Variants in ACSM1 observed in about 807,000 individuals in gnomAD.
ACSM1 encodes acyl-CoA synthetase medium chain family member 1.
In ACSM1, 79 loss-of-function variants were observed where a neutral mutation model predicts 75.8. The observed-to-expected ratio is 1.04, with a 90% confidence interval of 0.87 to 1.26. The LOEUF (loss-of-function observed/expected upper bound fraction) is 1.26. ACSM1 is among the 50% of genes most tolerant of loss of function. ACSM1 has a pLI of 0.00. For missense variants in ACSM1, 676 were observed against 720.1 expected, an observed-to-expected ratio of 0.94 and a Z score of 0.70; for synonymous variants, 279 against 265.8, an observed-to-expected ratio of 1.05 and a Z score of -0.48.
chr16:20,681,772 TG>T (rs1320594347), intron 4 of ACSM1: 1 of 153,578 alleles, frequency 6.5e-6, no homozygotes, highest in Non-Finnish European at 1.4e-5. Flanking sequence ...AAAACTCAAT[TG>T]TATGTAGGGA....
In ACSM1 at chr16:20,623,323, C is replaced by T. The variant is rs528288871; in HGVS notation, c.*163G>A. On this transcript the variant is annotated 3_prime_UTR_variant, in exon 14 of 14. Transcript: ENST00000520010. ...AGAGGACTTGGAGGAAGCAGAGCAACTGAATTTAATTTAAAAGAAGGAAAA... is the reference window on the plus strand; with the variant it reads ...AGAGGACTTGGAGGAAGCAGAGCAATTGAATTTAATTTAAAAGAAGGAAAA... 1 of 625,160 alleles carries T rather than the reference C, an allele frequency of 1.6e-6. No homozygotes were observed. Among genetic ancestry groups the T allele is most frequent in the East Asian group, 2.9e-5 (1 of 34,862 alleles). The allele number at this position is 625,160 out of a possible 1,614,324, so 38.7% of individuals were successfully genotyped here.
At chr16:20,694,198 G>A (rs930141992) in intron 1 of ACSM1, among the ~76,000 whole-genome samples, 10 of 152,124 alleles carry the variant, frequency 6.6e-5, no homozygotes, top group African/African-American at 1.7e-4. Flanking sequence ...CTAGCCAATC[G>A]GGACAAATAC....
intron 6 of ACSM1, among the ~76,000 whole-genome samples, chr16:20,665,264 GAA>G (rs1010962432): frequency 1.7e-4 from 26 of 151,802 alleles, no homozygotes; most frequent in Non-Finnish European, 3.1e-4. Flanking sequence ...GATTAACAAA[GAA>G]AAAAATGAGA....
intron 1 of ACSM1, among the ~76,000 whole-genome samples, 166 bp downstream of exon 1, chr16:20,697,470 C>T (rs1458425984): frequency 6.6e-6 from 1 of 151,228 alleles, no homozygotes; most frequent in Non-Finnish European, 1.5e-5. Context: ...TGTCATTTTG[C>T]CTCTAAAATG....
In ACSM1 at chr16:20,662,005, ACATACTGAGCATGGATTT is replaced by A. The variant is rs541839746; in HGVS notation, c.913-150_913-133del. On this transcript the variant is annotated intron_variant, in intron 6 of 13. Coordinates refer to ENST00000520010, the MANE Select transcript of ACSM1 (RefSeq NM_001318890.3). ...TAATTTCTTAATCCTTTAAATACAC[ACATACTGAGCATGGATTT>A]CATACATGGTATGCATCAGGTACTG... is the stretch of plus-strand genomic sequence containing the variant. 331 of 521,772 alleles carry A rather than the reference ACATACTGAGCATGGATTT, an allele frequency of 6.3e-4. 2 individuals are homozygous for A. Among genetic ancestry groups the A allele is most frequent in the African/African-American group, 5.7e-3 (298 of 52,668 alleles). The allele number at this position is 521,772 out of a possible 1,614,324, so 32.3% of individuals were successfully genotyped here.
chr16:20,648,339 C>T lies in ACSM1; in HGVS notation c.993-7755G>A, dbSNP rs896580864. ...CTTGCCACTCAACCTGATTTACCAA[C>T]ATAACCTGTTTCTGGCCATGCTCTC... On this transcript the variant is annotated intron_variant, in intron 7 of 13. Transcript: ENST00000520010. The surrounding 1 kb of genome is among the most constrained non-coding windows in gnomAD (Gnocchi z 4.2). Among the ~76,000 whole-genome samples the T allele has an allele frequency of 6.6e-6, 1 of 152,194 alleles. No homozygotes were observed. Among genetic ancestry groups the T allele is most frequent in the Non-Finnish European group, 1.5e-5 (1 of 68,038 alleles).
intron 7 of ACSM1, among the ~76,000 whole-genome samples, chr16:20,647,049 A>G (rs182931333): frequency 1.5e-3 from 232 of 152,330 alleles, no homozygotes; most frequent in African/African-American, 5.4e-3. Flanking sequence ...AAAAGCCTCA[A>G]TTTCCTTTCC....
intron 6 of ACSM1, among the ~76,000 whole-genome samples, chr16:20,666,657 T>G (rs1011376008): frequency 6.6e-6 from 1 of 151,866 alleles, no homozygotes; most frequent in Non-Finnish European, 1.5e-5. Flanking sequence ...AAAAAGGGCT[T>G]GAATACTGAA....
In ACSM1 at chr16:20,627,213, C is replaced by T. The variant is rs185962365; in HGVS notation, c.1403G>A (p.Ser468Asn). Residue 468 changes from serine to asparagine, a missense_variant, in exon 11 of 14, where the codon AGT (serine) becomes AAT (asparagine). By Grantham distance (46) the Ser-to-Asn change is conservative. Coordinates refer to ENST00000520010, the MANE Select transcript of ACSM1 (RefSeq NM_001318890.3). Reference sequence around the variant, plus strand: ...CCCAGAGGCATTAATGATGTCATCACTCCTCCCCAGGAAACAAATGTAGCC... The same window carrying T: ...CCCAGAGGCATTAATGATGTCATCATTCCTCCCCAGGAAACAAATGTAGCC... ...EEGYICFLGRSDDIINASGYR... is the reference protein window; with the variant it reads ...EEGYICFLGRNDDIINASGYR... The T allele has an allele frequency of 9.0e-5, 142 of 1,572,564 alleles. 1 individual carries two copies. The East Asian group carries it at 2.3e-3, about 26-fold the overall frequency.
In ACSM1 at chr16:20,631,767, G is replaced by A. The variant is rs562352322; in HGVS notation, c.1300-4451C>T. 1.1e-4 allele frequency among the ~76,000 whole-genome samples: 16 copies of A among 152,266 alleles called. No homozygotes were observed. In the South Asian group the frequency reaches 3.3e-3, roughly 32 times the overall value. On this transcript the variant is annotated intron_variant, in intron 10 of 13. Coordinates refer to ENST00000520010, the MANE Select transcript of ACSM1 (RefSeq NM_001318890.3). Reference sequence around the variant, plus strand: ...ATTCTAAGTGAAGTAACTCAGAAATGGAAAACCAAATAGCGTATGTTCTCA... The same window carrying A: ...ATTCTAAGTGAAGTAACTCAGAAATAGAAAACCAAATAGCGTATGTTCTCA...
intron 6 of ACSM1, among the ~76,000 whole-genome samples, chr16:20,667,420 T>A (rs1269484799): frequency 6.6e-6 from 1 of 152,162 alleles, no homozygotes; most frequent in Non-Finnish European, 1.5e-5. Context: ...ATGCTCAATG[T>A]CATTAATCAG....
chr16:20,684,610 T>C (rs1447449248), intron 3 of ACSM1, among the ~76,000 whole-genome samples: 1 of 152,226 alleles, frequency 6.6e-6, no homozygotes, highest in East Asian at 1.9e-4. Context: ...TTCAAAAATG[T>C]CACTGTCATG....
Position 20,685,847 on chromosome 16 carries a change from C to T in ACSM1, c.193-444G>A, listed in dbSNP as rs4783459. ...AAAAAAAAAACAAACAAAAAAAAAA[C>T]AAAAAACTTATAGCATCAGGAGAGG... On this transcript the variant is annotated intron_variant, in intron 2 of 13. Transcript: ENST00000520010. Among the ~76,000 whole-genome samples, 10 of 91,076 alleles carry T rather than the reference C, an allele frequency of 1.1e-4. No homozygotes were observed. In the East Asian group the frequency reaches 2.6e-3, roughly 24 times the overall value. 59.7% of individuals were successfully genotyped at this position (91,076 alleles called of 152,430 possible).
chr16:20,624,903 T>C (rs927857755), intron 12 of ACSM1, among the ~76,000 whole-genome samples: 1 of 152,002 alleles, frequency 6.6e-6, no homozygotes, highest in Non-Finnish European at 1.5e-5. Flanking sequence ...GTATTTTTAG[T>C]AGAGGTGGGG....
In ACSM1 at chr16:20,690,951, T is replaced by C. The variant is rs555306184; in HGVS notation, c.192+46A>G. The C allele has an allele frequency of 3.4e-5, 53 of 1,567,530 alleles. 1 individual carries two copies. The highest frequency in any genetic ancestry group is 1.7e-4 in the Middle Eastern group (1 of 5,936). The stretch of plus-strand genomic sequence containing the variant: ...CCTAGTAGGAGCAAGATAAGGAAAG[T>C]GAGGCCACCCTTGTTCTTATATCGC... On this transcript the variant is annotated intron_variant, in intron 2 of 13. Transcript: ENST00000520010.
chr16:20,639,946 C>T (rs924880965), intron 8 of ACSM1, among the ~76,000 whole-genome samples: 5 of 152,220 alleles, frequency 3.3e-5, no homozygotes, highest in African/African-American at 9.6e-5. Flanking sequence ...AACAAAACTA[C>T]ATGCCTCCGC....
intron 11 of ACSM1, among the ~76,000 whole-genome samples, chr16:20,626,775 CATA>C (rs2152183028): frequency 6.6e-6 from 1 of 151,870 alleles, no homozygotes; most frequent in East Asian, 1.9e-4. Flanking sequence ...CAAATATATT[CATA>C]ATAATAAAAA....
At position 20,684,334 on chromosome 16, in the gene ACSM1, G is replaced by C. The variant is rs562618028; in HGVS notation, c.403+859C>G. On this transcript the variant is annotated intron_variant, in intron 3 of 13. Coordinates refer to ENST00000520010, the MANE Select transcript of ACSM1 (RefSeq NM_001318890.3). ...CACAATCGCTTAAGGATCACACAATGAATTATTTATTAATTACAAGGAAAA... is the reference window on the plus strand; with the variant it reads ...CACAATCGCTTAAGGATCACACAATCAATTATTTATTAATTACAAGGAAAA... Among the ~76,000 whole-genome samples, 110 of 152,280 alleles carry C rather than the reference G, an allele frequency of 7.2e-4. 1 individual carries two copies. Among genetic ancestry groups the C allele is most frequent in the Admixed American group, 1.8e-3 (27 of 15,298 alleles).
chr16:20,689,904 C>G (rs28502691), intron 2 of ACSM1, among the ~76,000 whole-genome samples: 2 of 152,054 alleles, frequency 1.3e-5, no homozygotes, highest in African/African-American at 2.4e-5. Context: ...CCTGCTCTCC[C>G]ACTTATTAGA....
Sources: allele counts gnomAD v4.1 joint callset (sites outside exome capture counted in the v4.1 genomes callset), GRCh38; gene constraint gnomAD v4.1.1; non-coding constraint Gnocchi (gnomAD v3.1); transcripts MANE v1.5; gene names NCBI Gene and HGNC (gene_info 2026-07-23, HGNC 2026-07-21).